The following PCDHGA10 variants were observed in gnomAD, a reference collection of about 807,000 sequenced individuals.
PCDHGA10 encodes the protein protocadherin gamma subfamily A, 10.
A neutral mutation model predicts 59.5 loss-of-function variants in PCDHGA10; 42 were observed. The ratio of observed to expected loss-of-function variants is 0.71; its 90% CI spans 0.55 to 0.91. The LOEUF (loss-of-function observed/expected upper bound fraction) is 0.91. PCDHGA10 is among the 40% of genes least tolerant of loss of function. PCDHGA10 has a pLI of 0.00. For synonymous variants in PCDHGA10, 511 were observed against 517.2 expected, an observed-to-expected ratio of 0.99 and a Z score of 0.16; for missense variants, 1,111 against 1,198.2, an observed-to-expected ratio of 0.93 and a Z score of 1.07.
intron 1 of PCDHGA10, among the ~76,000 whole-genome samples, chr5:141,483,310 A>G (rs2099579870): frequency 6.6e-6 from 1 of 152,156 alleles, no homozygotes; most frequent in African/African-American, 2.4e-5. Context: ...GACTGGGGAC[A>G]TTGGGACTGG....
chr5:141,441,800 G>T, intron 1 of PCDHGA10: 1 of 382,594 alleles, frequency 2.6e-6, no homozygotes, highest in Non-Finnish European at 5.2e-6. Flanking sequence ...ACGCACCGCG[G>T]GTGCTGTACC....
At chr5:141,427,509 G>T in intron 1 of PCDHGA10, 1 of 588,640 alleles carries the variant, frequency 1.7e-6, no homozygotes, top group Non-Finnish European at 3.2e-6. Flanking sequence ...TGGGACCCTG[G>T]ATTGGGAGCG....
intron 1 of PCDHGA10, chr5:141,428,358 G>C: frequency 1.8e-6 from 1 of 565,492 alleles, no homozygotes; most frequent in South Asian, 1.9e-5. Context: ...TGATTTTGGC[G>C]GTCGCCTTGC....
At position 141,476,786 on chromosome 5, in the gene PCDHGA10, C is replaced by G. The variant is rs2099398607; in HGVS notation, c.2437-18021C>G. 3.1e-6 allele frequency: 5 copies of G among 1,613,444 alleles called. No individual in the cohort carries two copies. The highest frequency in any genetic ancestry group is 1.7e-5 in the Admixed American group (1 of 60,000). ...GGCGTTGGACGGAGGGACCCCAGCTCTCTCCGCCAGCCTGCCTATTCACAT... is the reference window on the plus strand; with the variant it reads ...GGCGTTGGACGGAGGGACCCCAGCTGTCTCCGCCAGCCTGCCTATTCACAT... On this transcript the variant is annotated intron_variant, in intron 1 of 3. Coordinates refer to ENST00000398610, the MANE Select transcript of PCDHGA10 (RefSeq NM_018913.3). The surrounding 1 kb of genome is among the most constrained non-coding windows in gnomAD (Gnocchi z 7.6).
chr5:141,421,384 C>T (rs960627405), intron 1 of PCDHGA10: 5 of 1,613,928 alleles, frequency 3.1e-6, no homozygotes, highest in Non-Finnish European at 4.2e-6. Context: ...CTCCAAGGAC[C>T]TGGGGCTGGA....
At chr5:141,497,541 T>C (rs1157403777) in intron 2 of PCDHGA10, among the ~76,000 whole-genome samples, 9 of 89,564 alleles carry the variant, frequency 1.0e-4, no homozygotes, top group Non-Finnish European at 2.1e-4. Context: ...GCAACAAACC[T>C]TTTTTTTTTT....
At chr5:141,500,241 C>T (rs1284996879) in intron 2 of PCDHGA10, among the ~76,000 whole-genome samples, 18 of 150,770 alleles carry the variant, frequency 1.2e-4, no homozygotes, top group Non-Finnish European at 1.5e-5. Flanking sequence ...CGTAGCCTTG[C>T]TCTGTCACCC....
Position 141,418,052 on chromosome 5 carries a change from G to A in PCDHGA10, c.2436+2441G>A, listed in dbSNP as rs202112422. 1.2e-3 allele frequency: 1,918 copies of A among 1,613,866 alleles called. 6 individuals are homozygous for A. Among genetic ancestry groups the A allele is most frequent in the East Asian group, 2.1e-3 (96 of 44,758 alleles). On this transcript the variant is annotated intron_variant, in intron 1 of 3. Coordinates refer to ENST00000398610, the MANE Select transcript of PCDHGA10 (RefSeq NM_018913.3). ...TAGTGTCCTGGATGTGTCGGCTCGC[G>A]AGCTGCGAGTGAGCGCGGAGAAGCT...
At chr5:141,436,208 A>G (rs1287696925) in intron 1 of PCDHGA10, among the ~76,000 whole-genome samples, 1 of 152,152 alleles carries the variant, frequency 6.6e-6, no homozygotes, top group Non-Finnish European at 1.5e-5. Context: ...CATAATAGGA[A>G]AACAAATGAC....
At position 141,413,407 on chromosome 5, in the gene PCDHGA10, C is replaced by G. The variant is rs372466798; in HGVS notation, c.232C>G (p.Leu78Val). The G allele has an allele frequency of 3.3e-5, 53 of 1,613,926 alleles. No homozygotes were observed. Among genetic ancestry groups the G allele is most frequent in the Middle Eastern group, 1.6e-4 (1 of 6,082 alleles). ...CATAGTCTCCAGAGGTAGGACGCAG[C>G]TTTTCTCTCTGAACCCGCGCAGCGG... ...VRIVSRGRTQ[L>V]FSLNPRSGSL... Residue 78 changes from leucine (L) to valine (V), a missense_variant, in exon 1 of 4, where the codon CTT becomes GTT. Transcript: ENST00000398610.
chr5:141,463,747 G>A (rs994400482), intron 1 of PCDHGA10, among the ~76,000 whole-genome samples: 13 of 152,082 alleles, frequency 8.5e-5, no homozygotes, highest in Middle Eastern at 3.4e-3. Context: ...CGCCCGGCCT[G>A]CTTCTCTTCT....
rs1267722283 is a variant in PCDHGA10 at position 141,493,105 on chromosome 5, G to A, written c.2437-1702G>A. Reference sequence around the variant, plus strand: ...GAGCTTTTATTCAAAATATATCAATGCCTAACTCTGCTCCTAGGACTGTAT... The same window carrying A: ...GAGCTTTTATTCAAAATATATCAATACCTAACTCTGCTCCTAGGACTGTAT... On this transcript the variant is annotated intron_variant, in intron 1 of 3. Coordinates refer to ENST00000398610, the MANE Select transcript of PCDHGA10 (RefSeq NM_018913.3). This position sits in a 1 kb window ranked among gnomAD's most constrained non-coding sequence, Gnocchi z 4.3. Among the ~76,000 whole-genome samples, 1 of 152,076 alleles carries A rather than the reference G, an allele frequency of 6.6e-6. No homozygotes were observed. Among genetic ancestry groups the A allele is most frequent in the Non-Finnish European group, 1.5e-5 (1 of 67,994 alleles).
At position 141,486,059 on chromosome 5, in the gene PCDHGA10, C is replaced by T. The variant is rs141349392; in HGVS notation, c.2437-8748C>T. ...TCGTGTAAGAAACCTCTTTAGCCTG[C>T]ACCCCACTACTGGAAAGCTTACTCT... On this transcript the variant is annotated intron_variant, in intron 1 of 3. Transcript: ENST00000398610. The surrounding 1 kb of genome is among the most constrained non-coding windows in gnomAD (Gnocchi z 5.0). The T allele has an allele frequency of 9.0e-5, 146 of 1,614,034 alleles. No individual in the cohort carries two copies. The highest frequency in any genetic ancestry group is 1.2e-4 in the Non-Finnish European group (138 of 1,180,018).
At position 141,482,865 on chromosome 5, in the gene PCDHGA10, A is replaced by G. The variant is rs557581796; in HGVS notation, c.2437-11942A>G. ...GGTGGGCAGATCACTTGAGGTCAGG[A>G]GTTTGAAACCAGCCTGGCCAACATG... On this transcript the variant is annotated intron_variant, in intron 1 of 3. Coordinates refer to ENST00000398610, the MANE Select transcript of PCDHGA10 (RefSeq NM_018913.3). Among the ~76,000 whole-genome samples, 66 of 152,206 alleles carry G rather than the reference A, an allele frequency of 4.3e-4. 1 individual carries two copies. Among genetic ancestry groups the G allele is most frequent in the African/African-American group, 1.5e-3 (61 of 41,516 alleles).
intron 1 of PCDHGA10, chr5:141,422,819 TGA>T (rs766395950): frequency 1.9e-5 from 31 of 1,614,068 alleles, no homozygotes; most frequent in Middle Eastern, 1.6e-4. Flanking sequence ...GACTTAGAAC[TGA>T]GAGTGATAGC....
At chr5:141,427,352 G>A (rs982774903) in intron 1 of PCDHGA10, 3 of 457,474 alleles carry the variant, frequency 6.6e-6, no homozygotes, top group African/African-American at 6.0e-5. Flanking sequence ...CTGTAACTGA[G>A]GACGCAGAAC....
intron 1 of PCDHGA10, 129 bp downstream of exon 1, chr5:141,415,740 G>GTTTTTTTTTTTTTTTTTTTTTTTTTTTTT (rs57426385): frequency 8.0e-6 from 5 of 625,030 alleles, no homozygotes; most frequent in African/African-American, 2.5e-5. Flanking sequence ...GTTTATTAAG[G>GTTTTTTTTTTTTTTTTTTTTTTTTTTTTT]TTTTTTTTTT....
At position 141,477,898 on chromosome 5, in the gene PCDHGA10, A is replaced by C; in HGVS notation, c.2437-16909A>C. The C allele has an allele frequency of 6.2e-7, 1 of 1,614,158 alleles. No individual in the cohort carries two copies. Among genetic ancestry groups the C allele is most frequent in the East Asian group, 2.2e-5 (1 of 44,864 alleles). ...CTGGCCACCTAGTGTCACGGGTGGT[A>C]GGCTGGGACGCGGATGCAGGGCACA... On this transcript the variant is annotated intron_variant, in intron 1 of 3. Transcript: ENST00000398610. This position sits in a 1 kb window ranked among gnomAD's most constrained non-coding sequence, Gnocchi z 4.9.
intron 1 of PCDHGA10, among the ~76,000 whole-genome samples, chr5:141,455,460 A>G (rs1175234914): frequency 1.3e-5 from 2 of 152,186 alleles, no homozygotes; most frequent in Non-Finnish European, 2.9e-5. Flanking sequence ...GATACCAGCC[A>G]GGTATATATG....
Sources: gnomAD v4.1 joint callset for allele counts (sites outside exome capture counted in the v4.1 genomes callset) on GRCh38, gnomAD v4.1.1 for gene constraint, Gnocchi (gnomAD v3.1) non-coding constraint, MANE v1.5 for transcripts, NCBI Gene and HGNC (gene_info 2026-07-23, HGNC 2026-07-21) for gene names.